Variants in KCMF1 observed in about 807,000 individuals in gnomAD.
KCMF1 encodes the protein E3 ubiquitin-protein ligase KCMF1.
In KCMF1, 3 loss-of-function variants were observed where a neutral mutation model predicts 41.1. That is an observed-to-expected ratio of 0.07 (90% CI 0.03 to 0.19). The LOEUF is 0.19. KCMF1 is among the 10% of genes least tolerant of loss of function. KCMF1 has a pLI of 1.00. For synonymous variants in KCMF1, 142 were observed against 164.5 expected, an observed-to-expected ratio of 0.86 and a Z score of 1.04; for missense variants, 286 against 488.9, an observed-to-expected ratio of 0.58 and a Z score of 3.91.
chr2:84,975,248 A>T (rs1421243338), intron 1 of KCMF1, among the ~76,000 whole-genome samples: 1 of 152,042 alleles, frequency 6.6e-6, no homozygotes, highest in Non-Finnish European at 1.5e-5. Context: ...TCTCCAAAAA[A>T]AAAAGTGGTG....
At chr2:85,027,176 T>G (rs1327091606) in intron 1 of KCMF1, among the ~76,000 whole-genome samples, 1 of 152,114 alleles carries the variant, frequency 6.6e-6, no homozygotes, top group Non-Finnish European at 1.5e-5. Flanking sequence ...TATTAGGGTC[T>G]TGGTTTTATG....
chr2:84,987,564 A>G (rs1471244424), intron 1 of KCMF1, among the ~76,000 whole-genome samples: 1 of 152,142 alleles, frequency 6.6e-6, no homozygotes, highest in Non-Finnish European at 1.5e-5. Context: ...AGGAGGGGAG[A>G]GACAGGAAAA....
intron 1 of KCMF1, among the ~76,000 whole-genome samples, chr2:85,020,799 A>G (rs1407314576): frequency 1.3e-5 from 2 of 152,100 alleles, no homozygotes; most frequent in Non-Finnish European, 2.9e-5. Context: ...TTTTTTAGTA[A>G]TACTTTCTTT....
At chr2:85,006,302 T>C (rs938939235) in intron 1 of KCMF1, among the ~76,000 whole-genome samples, 30 of 137,052 alleles carry the variant, frequency 2.2e-4, no homozygotes, top group Non-Finnish European at 4.2e-4. Context: ...TTTCTTTTTT[T>C]TTTTTTTTTT....
intron 3 of KCMF1, among the ~76,000 whole-genome samples, chr2:85,035,490 C>CT (rs1558583312): frequency 6.6e-6 from 1 of 152,194 alleles, no homozygotes. Flanking sequence ...AGTATCCTTG[C>CT]TATCTGCTTA....
rs540667091 is a variant in KCMF1 at position 84,971,278 on chromosome 2, CCCGCCGCCG to C, written c.-157_-149del. ...CCCCATTCCCGCCCCGCGCCGCCTC[CCCGCCGCCG>C]CCGCCGCCGCCGCCGCGGGAGCGCT... is the stretch of plus-strand genomic sequence containing the variant. On this transcript the variant is annotated 5_prime_UTR_variant, in exon 1 of 7. Transcript: ENST00000409785. The C allele has an allele frequency of 6.4e-4, 102 of 160,550 alleles. 1 individual carries two copies. The highest frequency in any genetic ancestry group is 1.2e-3 in the Non-Finnish European group (92 of 78,268). 9.9% of individuals were successfully genotyped at this position (160,550 alleles called of 1,614,324 possible). A position where few individuals can be genotyped will look rare whatever the true frequency, so the allele number is the denominator to read the frequency against.
intron 1 of KCMF1, among the ~76,000 whole-genome samples, chr2:85,008,273 AT>A (rs1421034996): frequency 9.3e-6 from 1 of 107,348 alleles, no homozygotes; most frequent in Non-Finnish European, 1.8e-5. Flanking sequence ...CATATATAAT[AT>A]ATAATATGAT....
At chr2:85,024,662 CAT>C (rs1456580374) in intron 1 of KCMF1, among the ~76,000 whole-genome samples, 1 of 151,720 alleles carries the variant, frequency 6.6e-6, no homozygotes, top group East Asian at 1.9e-4. Flanking sequence ...ACTTTAGACT[CAT>C]AAAAATATTC....
In KCMF1 at chr2:85,006,273, A is replaced by G. The variant is rs149538152; in HGVS notation, c.17-21616A>G. Among the ~76,000 whole-genome samples, 769 of 140,732 alleles carry G rather than the reference A, an allele frequency of 5.5e-3. 2 individuals are homozygous for G. The highest frequency in any genetic ancestry group is 8.2e-3 in the Non-Finnish European group (531 of 64,542). The allele number at this position is 140,732 out of a possible 152,430, so 92.3% of individuals were successfully genotyped here. On this transcript the variant is annotated intron_variant, in intron 1 of 6. Coordinates refer to ENST00000409785, the MANE Select transcript of KCMF1 (RefSeq NM_020122.5). Reference sequence around the variant, plus strand: ...TCCTTATATTGCTTAGAAAGGCCTTACCCACTAAATATTCTCATTTTCTTT... The same window carrying G: ...TCCTTATATTGCTTAGAAAGGCCTTGCCCACTAAATATTCTCATTTTCTTT...
chr2:85,049,292 TAA>T, intron 5 of KCMF1, 72 bp from the exon 6 acceptor site: 1 of 1,453,868 alleles, frequency 6.9e-7, no homozygotes. Context: ...GTTGTTCCAG[TAA>T]AAGAGTGATC....
chr2:85,008,251 T>C (rs1371145694), intron 1 of KCMF1, among the ~76,000 whole-genome samples: 4 of 103,744 alleles, frequency 3.9e-5, no homozygotes, highest in Non-Finnish European at 5.6e-5. Context: ...ATATATGATA[T>C]ATATTATATA....
At chr2:85,019,592 G>A (rs1036865660) in intron 1 of KCMF1, among the ~76,000 whole-genome samples, 2 of 151,888 alleles carry the variant, frequency 1.3e-5, no homozygotes, top group African/African-American at 4.8e-5. Context: ...TACTTCCCTC[G>A]ACTTCTTATT....
chr2:84,974,687 ATATATTTTTTTTTTTTTT>A (rs1321631283), intron 1 of KCMF1, among the ~76,000 whole-genome samples: 3 of 35,464 alleles, frequency 8.5e-5, no homozygotes, highest in African/African-American at 4.2e-4. Flanking sequence ...ATATATATAT[ATATATTTTTTTTTTTTTT>A]TTTTTTTTTT....
At chr2:84,971,492 C>CG (rs777017023) in intron 1 of KCMF1, 25 bp downstream of exon 1, 5 of 1,229,878 alleles carry the variant, frequency 4.1e-6, no homozygotes, top group Non-Finnish European at 5.2e-6. Context: ...CGCCCCCACC[C>CG]GCACCTCCCG....
intron 1 of KCMF1, among the ~76,000 whole-genome samples, chr2:84,976,204 C>CTTT (rs776217164): frequency 5.2e-5 from 7 of 133,668 alleles, no homozygotes; most frequent in African/African-American, 8.0e-5. Flanking sequence ...TTCTTAACTC[C>CTTT]TTTTTTTTTT....
intron 3 of KCMF1, among the ~76,000 whole-genome samples, chr2:85,036,959 T>C (rs1184425532): frequency 1.3e-5 from 2 of 151,904 alleles, no homozygotes; most frequent in Admixed American, 6.6e-5. Flanking sequence ...TCCTCAGTTT[T>C]CCACAACCTT....
chr2:85,022,118 GT>G (rs550301180), intron 1 of KCMF1, among the ~76,000 whole-genome samples: 21 of 151,698 alleles, frequency 1.4e-4, no homozygotes, highest in Non-Finnish European at 2.5e-4. Flanking sequence ...CGCCCGGCCT[GT>G]TTTTTTTGTT....
At chr2:85,052,070 C>T (rs1675820876) in intron 6 of KCMF1, among the ~76,000 whole-genome samples, 2 of 152,142 alleles carry the variant, frequency 1.3e-5, no homozygotes, top group African/African-American at 4.8e-5. Flanking sequence ...GTGTGTAAGT[C>T]AGATCGGTCT....
chr2:85,009,504 G>A (rs1674604057), intron 1 of KCMF1, among the ~76,000 whole-genome samples: 1 of 152,128 alleles, frequency 6.6e-6, no homozygotes, highest in African/African-American at 2.4e-5. Flanking sequence ...GGCTCTTTCA[G>A]CCTGGCAATT....
Sources: allele counts gnomAD v4.1 joint callset (sites outside exome capture counted in the v4.1 genomes callset), GRCh38; gene constraint gnomAD v4.1.1; transcripts MANE v1.5; gene names NCBI Gene and HGNC (gene_info 2026-07-23, HGNC 2026-07-21).